CSMD1: variants seen among roughly 807,000 people sequenced by gnomAD.
The protein encoded by CSMD1 is CUB and sushi domain-containing protein 1.
A neutral mutation model predicts 417.5 loss-of-function variants in CSMD1; 213 were observed. The ratio of observed to expected loss-of-function variants is 0.51; its 90% CI spans 0.46 to 0.57. CSMD1 has a LOEUF of 0.57. Among genes scored for constraint, CSMD1 ranks in the 20% least tolerant of loss-of-function variants. The pLI, the probability that CSMD1 is intolerant of heterozygous loss-of-function variation, is 0.00. For synonymous variants in CSMD1, 2,862 were observed against 1,736.8 expected (o/e 1.65, Z -16.11); for missense variants, 6,923 against 4,529.7 (o/e 1.53, Z -15.17).
At chr8:3,621,623 T>C (rs1796246527) in intron 7 of CSMD1, among the ~76,000 whole-genome samples, 1 of 152,044 alleles carries the variant, frequency 6.6e-6, no homozygotes, top group South Asian at 2.1e-4. Flanking sequence ...GACAGAATCT[T>C]GTTCTGTTGC....
At chr8:4,319,060 T>C (rs1016809735) in intron 3 of CSMD1, among the ~76,000 whole-genome samples, 1 of 152,140 alleles carries the variant, frequency 6.6e-6, no homozygotes, top group Non-Finnish European at 1.5e-5. Flanking sequence ...CAAATAAACA[T>C]CTTTTACTTC....
At chr8:3,364,453 T>C (rs547825792) in intron 20 of CSMD1, among the ~76,000 whole-genome samples, 1 of 152,318 alleles carries the variant, frequency 6.6e-6, no homozygotes, top group East Asian at 1.9e-4. Flanking sequence ...TAAAGACCCA[T>C]GAAAGAGTAT....
intron 1 of CSMD1, among the ~76,000 whole-genome samples, chr8:4,921,726 G>C (rs576758617): frequency 3.2e-4 from 49 of 152,226 alleles, no homozygotes; most frequent in Admixed American, 7.8e-4. Context: ...CTCACCCTAA[G>C]ACAAAATGTG....
At chr8:4,388,162 C>T (rs1803590377) in intron 3 of CSMD1, among the ~76,000 whole-genome samples, 1 of 152,132 alleles carries the variant, frequency 6.6e-6, no homozygotes, top group African/African-American at 2.4e-5. Flanking sequence ...AACAGTCCCA[C>T]TAATGGGCAT....
chr8:4,480,700 C>G (rs149493973), intron 2 of CSMD1, among the ~76,000 whole-genome samples: 1 of 152,346 alleles, frequency 6.6e-6, no homozygotes, highest in African/African-American at 2.4e-5. Flanking sequence ...GTATCCATCT[C>G]TTTCTGACAA....
At chr8:4,126,918 C>T (rs1244301039) in intron 3 of CSMD1, among the ~76,000 whole-genome samples, 1 of 152,038 alleles carries the variant, frequency 6.6e-6, no homozygotes, top group Non-Finnish European at 1.5e-5. Flanking sequence ...GCTCTCACGC[C>T]CACACAGACT....
At chr8:3,972,281 A>C (rs2627448) in intron 5 of CSMD1, among the ~76,000 whole-genome samples, 1 of 152,092 alleles carries the variant, frequency 6.6e-6, no homozygotes, top group Non-Finnish European at 1.5e-5. Flanking sequence ...TATAAGTACT[A>C]GATACATAAG....
intron 3 of CSMD1, among the ~76,000 whole-genome samples, chr8:4,305,049 C>T (rs1045244241): frequency 1.7e-4 from 26 of 152,190 alleles, no homozygotes; most frequent in African/African-American, 6.0e-4. Context: ...CCCTTTTCAA[C>T]ACAGGCACCT....
chr8:4,740,892 A>T (rs1279314766), intron 1 of CSMD1, among the ~76,000 whole-genome samples: 1 of 152,216 alleles, frequency 6.6e-6, no homozygotes, highest in South Asian at 2.1e-4. Context: ...CCTTTTTTCC[A>T]CAACAGCTAA....
intron 1 of CSMD1, among the ~76,000 whole-genome samples, chr8:4,900,919 C>CT (rs1804827251): frequency 1.3e-5 from 2 of 152,200 alleles, no homozygotes; most frequent in African/African-American, 2.4e-5. Flanking sequence ...ACTTCTCTCC[C>CT]TTGCATCCTA....
intron 5 of CSMD1, among the ~76,000 whole-genome samples, chr8:3,949,247 A>G (rs1811443956): frequency 6.6e-6 from 1 of 152,216 alleles, no homozygotes; most frequent in Non-Finnish European, 1.5e-5. Context: ...GAAAAAATAC[A>G]ATATAATGTT....
chr8:4,051,872 C>CCTTTTTTTCT (rs57417350), intron 3 of CSMD1, among the ~76,000 whole-genome samples: 1 of 37,526 alleles, frequency 2.7e-5, no homozygotes. Context: ...TTCTTTCCTT[C>CCTTTTTTTCT]CTCCTTTCTT....
chr8:3,893,585 G>C (rs1349148924), intron 5 of CSMD1, among the ~76,000 whole-genome samples: 1 of 151,702 alleles, frequency 6.6e-6, no homozygotes, highest in Non-Finnish European at 1.5e-5. Context: ...CACCTGTCTA[G>C]CTCCAGTCCC....
chr8:3,561,990 C>A (rs78896975), intron 10 of CSMD1, among the ~76,000 whole-genome samples: 2 of 151,836 alleles, frequency 1.3e-5, no homozygotes, highest in Non-Finnish European at 2.9e-5. Flanking sequence ...TTATCTGCTA[C>A]GTCAGAAACT....
intron 2 of CSMD1, among the ~76,000 whole-genome samples, chr8:4,449,529 T>G (rs1336515177): frequency 6.6e-6 from 1 of 152,238 alleles, no homozygotes; most frequent in African/African-American, 2.4e-5. Flanking sequence ...AGGCTGTGTC[T>G]GTGAGTCACA....
intron 3 of CSMD1, among the ~76,000 whole-genome samples, chr8:4,414,354 G>C (rs148590291): frequency 2.8e-4 from 42 of 152,260 alleles, no homozygotes; most frequent in African/African-American, 9.6e-4. Flanking sequence ...TAGCAGCCCA[G>C]ATTCACTTTT....
At chr8:3,362,007 T>G (rs186358501) in intron 20 of CSMD1, among the ~76,000 whole-genome samples, 1 of 152,190 alleles carries the variant, frequency 6.6e-6, no homozygotes, top group African/African-American at 2.4e-5. Context: ...GAAAAGTGTA[T>G]TGCCTTCAGA....
At chr8:3,966,512 T>C (rs1269300674) in intron 5 of CSMD1, among the ~76,000 whole-genome samples, 1 of 152,190 alleles carries the variant, frequency 6.6e-6, no homozygotes, top group Non-Finnish European at 1.5e-5. Flanking sequence ...GAGAATCAGT[T>C]CCTGGGAGAA....
intron 1 of CSMD1, among the ~76,000 whole-genome samples, chr8:4,649,661 T>A (rs1171345739): frequency 6.6e-6 from 1 of 152,242 alleles, no homozygotes. Context: ...CTCCTCTTTA[T>A]AAGAAGCCAT....
Sources: allele counts gnomAD v4.1 joint callset (sites outside exome capture counted in the v4.1 genomes callset), GRCh38; gene constraint gnomAD v4.1.1; transcripts MANE v1.5; gene names NCBI Gene and HGNC (gene_info 2026-07-23, HGNC 2026-07-21).